ASAP2: variants seen among roughly 807,000 people sequenced by gnomAD.
ASAP2 encodes ArfGAP with SH3 domain, ankyrin repeat and PH domain 2.
In ASAP2, 45 loss-of-function variants were observed where a neutral mutation model predicts 131.4. That is an observed-to-expected ratio of 0.34 (90% CI 0.27 to 0.44). The LOEUF is 0.44. Among genes scored for constraint, ASAP2 ranks in the 20% least tolerant of loss-of-function variants. ASAP2 has a pLI of 1.00. For synonymous variants in ASAP2, 510 were observed against 503.0 expected, an observed-to-expected ratio of 1.01 and a Z score of -0.19; for missense variants, 1,011 against 1,297.0, an observed-to-expected ratio of 0.78 and a Z score of 3.39.
intron 20 of ASAP2, among the ~76,000 whole-genome samples, chr2:9,383,291 C>T (rs1470984288): frequency 6.6e-6 from 1 of 152,072 alleles, no homozygotes; most frequent in Non-Finnish European, 1.5e-5. Flanking sequence ...AAGACAGTGT[C>T]TCTCTGTTGC....
chr2:9,381,267 G>C (rs1674816188), intron 20 of ASAP2, among the ~76,000 whole-genome samples: 1 of 152,370 alleles, frequency 6.6e-6, no homozygotes, highest in Admixed American at 6.5e-5. Flanking sequence ...AGTAGAAAGA[G>C]CCCACCAGGC....
chr2:9,216,284 T>A (rs1023723273), intron 1 of ASAP2, among the ~76,000 whole-genome samples: 5 of 119,646 alleles, frequency 4.2e-5, no homozygotes, highest in Non-Finnish European at 8.9e-5. Flanking sequence ...CAGTTCATAT[T>A]TTTTTTTTTT....
At chr2:9,279,440 G>GA in intron 2 of ASAP2, 51 bp downstream of exon 2, 1 of 1,549,456 alleles carries the variant, frequency 6.5e-7, no homozygotes, top group Non-Finnish European at 8.9e-7. Flanking sequence ...TGTCGCATTT[G>GA]AAGTCCTGGT....
intron 2 of ASAP2, among the ~76,000 whole-genome samples, chr2:9,283,714 G>T (rs1362403806): frequency 1.3e-5 from 2 of 152,232 alleles, no homozygotes; most frequent in Admixed American, 1.3e-4. Context: ...GGAAGTCCAA[G>T]ATCAGGGTGT....
intron 1 of ASAP2, among the ~76,000 whole-genome samples, chr2:9,246,415 T>C (rs1664344142): frequency 6.6e-6 from 1 of 151,906 alleles, no homozygotes; most frequent in African/African-American, 2.4e-5. Context: ...TTCTCCCAAG[T>C]AGCTGGAGCT....
chr2:9,229,463 G>T (rs1447729414), intron 1 of ASAP2, among the ~76,000 whole-genome samples: 1 of 152,206 alleles, frequency 6.6e-6, no homozygotes, highest in African/African-American at 2.4e-5. Flanking sequence ...GGAACCAGGG[G>T]CAGCTACAAA....
intron 1 of ASAP2, among the ~76,000 whole-genome samples, chr2:9,214,924 G>T (rs556623543): frequency 6.6e-6 from 1 of 152,184 alleles, no homozygotes; most frequent in Non-Finnish European, 1.5e-5. Context: ...AAGGTGATCT[G>T]CCTCTTCAGA....
chr2:9,393,374 A>T, intron 23 of ASAP2, 108 bp from the exon 24 acceptor site: 1 of 1,011,742 alleles, frequency 9.9e-7, no homozygotes, highest in Non-Finnish European at 1.4e-6. Flanking sequence ...TTTCCTTAGG[A>T]AATAGCAATA....
At chr2:9,326,044 T>G (rs1164644285) in intron 6 of ASAP2, among the ~76,000 whole-genome samples, 1 of 152,208 alleles carries the variant, frequency 6.6e-6, no homozygotes, top group Non-Finnish European at 1.5e-5. Context: ...AAACAGTTCC[T>G]TGAGAATCCA....
At chr2:9,394,926 C>T (rs975942426) in intron 24 of ASAP2, among the ~76,000 whole-genome samples, 7 of 152,200 alleles carry the variant, frequency 4.6e-5, no homozygotes, top group African/African-American at 7.2e-5. Context: ...TCACGCCCCC[C>T]GTGGTAGCTG....
chr2:9,264,206 AT>A (rs59687102), intron 1 of ASAP2, among the ~76,000 whole-genome samples: 2 of 151,438 alleles, frequency 1.3e-5, no homozygotes, highest in African/African-American at 4.9e-5. Flanking sequence ...AATAATAATA[AT>A]AATAATAATA....
rs747238535 is a variant in ASAP2, at chr2:9,207,080, G to A, written c.-25G>A. ...GAGGCGGCGGCGCCCCTGCGGCTGT[G>A]CGCCAGCGCCCTCGCGCCGAGGCGA... On this transcript the variant is annotated 5_prime_UTR_variant, in exon 1 of 28. Transcript: ENST00000281419. This position sits in a 1 kb window ranked among gnomAD's most constrained non-coding sequence, Gnocchi z 4.1. 2.6e-6 allele frequency: 4 copies of A among 1,540,230 alleles called. No individual in the cohort carries two copies. Among genetic ancestry groups the A allele is most frequent in the Non-Finnish European group, 3.5e-6 (4 of 1,142,772 alleles).
Position 9,327,928 on chromosome 2 carries a change from T to A in ASAP2, c.686+17T>A. 1.9e-6 allele frequency: 3 copies of A among 1,544,104 alleles called. No homozygotes were observed. Among genetic ancestry groups the A allele is most frequent in the Non-Finnish European group, 2.6e-6 (3 of 1,149,408 alleles). On this transcript the variant is annotated intron_variant, in intron 7 of 27. Transcript: ENST00000281419. ...CCAATGCAAGTAAGTTCTTCTCTGT[T>A]ATGTTATCTTAAATGTTTGTTCATG...
intron 15 of ASAP2, among the ~76,000 whole-genome samples, chr2:9,359,889 A>T (rs1430880957): frequency 1.3e-5 from 2 of 152,228 alleles, no homozygotes; most frequent in African/African-American, 2.4e-5. Context: ...AGTTAGTAAC[A>T]TCCTTAGTTA....
At chr2:9,377,932 G>A (rs1311428440) in intron 18 of ASAP2, among the ~76,000 whole-genome samples, 2 of 152,084 alleles carry the variant, frequency 1.3e-5, no homozygotes, top group Non-Finnish European at 2.9e-5. Flanking sequence ...CTCCTAGAAC[G>A]CAGCAGGGGT....
chr2:9,397,798 G>T lies in ASAP2; in HGVS notation c.2685-2225G>T, dbSNP rs1186711743. ...TTTTGAGACGGAGTCTCGCTCTGTCGCCCAGGCTGGAGTGCAGTGGCTCGA... is the reference window on the plus strand; with the variant it reads ...TTTTGAGACGGAGTCTCGCTCTGTCTCCCAGGCTGGAGTGCAGTGGCTCGA... On this transcript the variant is annotated intron_variant, in intron 24 of 27. Coordinates refer to ENST00000281419, the MANE Select transcript of ASAP2 (RefSeq NM_003887.3). 1.3e-4 allele frequency among the ~76,000 whole-genome samples: 15 copies of T among 111,744 alleles called. No individual in the cohort carries two copies. The South Asian group carries it at 1.8e-3, about 13-fold the overall frequency. The allele number at this position is 111,744 out of a possible 152,430, so 73.3% of individuals were successfully genotyped here.
At chr2:9,218,358 C>T (rs1662198063) in intron 1 of ASAP2, among the ~76,000 whole-genome samples, 1 of 152,222 alleles carries the variant, frequency 6.6e-6, no homozygotes, top group African/African-American at 2.4e-5. Flanking sequence ...TTGACCTTGA[C>T]CAATTGGCCT....
At chr2:9,208,173 T>C (rs1360242757) in intron 1 of ASAP2, among the ~76,000 whole-genome samples, 1 of 152,206 alleles carries the variant, frequency 6.6e-6, no homozygotes, top group Admixed American at 6.5e-5. Context: ...GATCAGAGAC[T>C]GTGTGAAGTG....
intron 6 of ASAP2, 60 bp from the exon 7 acceptor site, chr2:9,327,766 G>A: frequency 7.9e-7 from 1 of 1,271,220 alleles, no homozygotes; most frequent in Non-Finnish European, 1.1e-6. Flanking sequence ...GTCCTCAGAA[G>A]CTCCTTTTAA....
Sources: allele counts gnomAD v4.1 joint callset (sites outside exome capture counted in the v4.1 genomes callset), GRCh38; gene constraint gnomAD v4.1.1; non-coding constraint Gnocchi (gnomAD v3.1); transcripts MANE v1.5; gene names NCBI Gene and HGNC (gene_info 2026-07-23, HGNC 2026-07-21).